Variants in EOGT observed in about 807,000 individuals in gnomAD.
EOGT encodes EGF domain specific O-linked N-acetylglucosamine transferase, also known as EGF domain-specific O-linked N-acetylglucosamine transferase.
A neutral mutation model predicts 70.5 loss-of-function variants in EOGT; 55 were observed. The ratio of observed to expected loss-of-function variants is 0.78; its 90% confidence interval spans 0.63 to 0.98. EOGT has a LOEUF of 0.98. Among genes scored for constraint, EOGT ranks in the 50% least tolerant of loss-of-function variants. The pLI is 0.00. For synonymous variants in EOGT, 246 were observed against 217.1 expected, an observed-to-expected ratio of 1.13 and a Z score of -1.17; for missense variants, 703 against 641.9, an observed-to-expected ratio of 1.10 and a Z score of -1.03.
At chr3:68,990,871 AT>A (rs1324962846) in intron 10 of EOGT, among the ~76,000 whole-genome samples, 3 of 147,812 alleles carry the variant, frequency 2.0e-5, no homozygotes, top group African/African-American at 7.6e-5. Flanking sequence ...TATTACAGTT[AT>A]TTCAAAGTTA....
At chr3:69,011,681 T>C (rs2091582770) in intron 3 of EOGT, among the ~76,000 whole-genome samples, 1 of 151,560 alleles carries the variant, frequency 6.6e-6, no homozygotes, top group African/African-American at 2.4e-5. Context: ...GGCCATGGAA[T>C]TCTAAGTGAA....
At position 68,978,398 on chromosome 3, in the gene EOGT, C is replaced by G. The variant is rs1013612581; in HGVS notation, c.1372G>C (p.Ala458Pro). ...ATGTAGTGAACGCCTCTCAGCCTGG[C>G]CAAGTCTAAGTAACAGCGTTCATCT... is the stretch of plus-strand genomic sequence containing the variant. ...CEDERCYLDLARLRGVHYITW... is the reference protein window; with the variant it reads ...CEDERCYLDLPRLRGVHYITW... Residue 458 changes from alanine to proline, a missense_variant, in exon 17 of 18, where the codon GCC (alanine) becomes CCC (proline). Physicochemically the swap from Ala to Pro is conservative, Grantham distance 27. Coordinates refer to ENST00000383701, the MANE Select transcript of EOGT (RefSeq NM_001278689.2). The G allele has an allele frequency of 1.2e-6, 2 of 1,612,198 alleles. No individual in the cohort carries two copies. Among genetic ancestry groups the G allele is most frequent in the Non-Finnish European group, 8.5e-7 (1 of 1,179,340 alleles).
intron 10 of EOGT, among the ~76,000 whole-genome samples, chr3:68,989,899 C>T (rs35315351): frequency 6.6e-6 from 1 of 151,632 alleles, no homozygotes; most frequent in East Asian, 1.9e-4. Context: ...TATGATCATG[C>T]CATATACTCC....
chr3:69,013,323 G>T (rs1406337130), intron 1 of EOGT, among the ~76,000 whole-genome samples: 2 of 151,752 alleles, frequency 1.3e-5, no homozygotes, highest in African/African-American at 4.8e-5. Flanking sequence ...GCTAGGGCCC[G>T]GGGCCCGCCT....
intron 10 of EOGT, among the ~76,000 whole-genome samples, chr3:68,990,538 G>A (rs936519631): frequency 6.6e-6 from 1 of 152,006 alleles, no homozygotes; most frequent in Non-Finnish European, 1.5e-5. Context: ...TCTTTTGATA[G>A]AGACAGGGTT....
At position 68,977,519 on chromosome 3, in the gene EOGT, T is replaced by A; in HGVS notation, c.*99A>T. The A allele has an allele frequency of 7.7e-7, 1 of 1,292,712 alleles. No individual in the cohort carries two copies. The highest frequency in any genetic ancestry group is 1.1e-6 in the Non-Finnish European group (1 of 911,742). The allele number at this position is 1,292,712 out of a possible 1,614,324, so 80.1% of individuals were successfully genotyped here. On this transcript the variant is annotated 3_prime_UTR_variant, in exon 18 of 18. Coordinates refer to ENST00000383701, the MANE Select transcript of EOGT (RefSeq NM_001278689.2). ...GTATGTTTTGGCATAGAAAAGGTAA[T>A]TCGGGGATAGGAAATAACAGATTGC...
At chr3:69,003,617 A>G (rs2091358495) in intron 8 of EOGT, among the ~76,000 whole-genome samples, 1 of 152,128 alleles carries the variant, frequency 6.6e-6, no homozygotes, top group South Asian at 2.1e-4. Flanking sequence ...GGTATAATAC[A>G]TACTATTTTT....
intron 9 of EOGT, among the ~76,000 whole-genome samples, chr3:69,001,133 T>G (rs1047458787): frequency 1.3e-5 from 2 of 151,950 alleles, no homozygotes; most frequent in Non-Finnish European, 2.9e-5. Context: ...ATTTTTTGTG[T>G]TTTTTTAGTA....
At position 68,982,887 on chromosome 3, in the gene EOGT, G is replaced by A. The variant is rs375923755; in HGVS notation, c.1153-15C>T. On this transcript the variant is annotated splice_polypyrimidine_tract_variant and intron_variant, in intron 14 of 17. Coordinates refer to ENST00000383701, the MANE Select transcript of EOGT (RefSeq NM_001278689.2). ...GCATTTACAAGCTGGGAAAAAAAGA[G>A]AAACATTTAGCATTTCTTTTCCTTC... 23 of 1,592,544 alleles carry A rather than the reference G, an allele frequency of 1.4e-5. No homozygotes were observed. Among genetic ancestry groups the A allele is most frequent in the African/African-American group, 6.7e-5 (5 of 74,228 alleles).
intron 10 of EOGT, 23 bp from the exon 11 acceptor site, chr3:68,989,040 GT>G: frequency 7.4e-7 from 1 of 1,343,490 alleles, no homozygotes; most frequent in Non-Finnish European, 1.0e-6. Context: ...ACAAAACAAG[GT>G]TTTAGGGCAA....
Position 68,977,671 on chromosome 3 carries a change from G to A in EOGT, c.1531C>T (p.His511Tyr), listed in dbSNP as rs2090509881. 3.7e-6 allele frequency: 6 copies of A among 1,613,682 alleles called. No homozygotes were observed. Among genetic ancestry groups the A allele is most frequent in the Non-Finnish European group, 5.1e-6 (6 of 1,179,906 alleles). ...GGCCACTTTGGGTGTTGCAATACGTGGTCTGCAGCCTGAAGGACAAGATAC... is the reference window on the plus strand; with the variant it reads ...GGCCACTTTGGGTGTTGCAATACGTAGTCTGCAGCCTGAAGGACAAGATAC... ...FMYLVLQAAD[H>Y]VLQHPKWPFK... The change falls in exon 18 of 18, where the codon CAC becomes TAC. Residue 511 changes from histidine (H) to tyrosine (Y), a missense_variant. Transcript: ENST00000383701.
chr3:69,001,564 T>A, intron 9 of EOGT, 44 bp downstream of exon 9: 1 of 1,265,708 alleles, frequency 7.9e-7, no homozygotes, highest in Non-Finnish European at 1.1e-6. Flanking sequence ...AGGAATAATA[T>A]CTCATTAACA....
chr3:69,007,792 A>AT lies in EOGT; in HGVS notation c.340dup (p.Ile114AsnfsTer7), dbSNP rs1454681918. ...TCCAAAGTCAGCTTGTTTCCAAAATATGTCCTCAGCTGACTCAAGAGTGTC... is the reference window on the plus strand; with the variant it reads ...TCCAAAGTCAGCTTGTTTCCAAAATATTGTCCTCAGCTGACTCAAGAGTGTC... On this transcript the variant is annotated frameshift_variant, in exon 6 of 18. Transcript: ENST00000383701. LOFTEE classifies it high-confidence loss of function. 7 of 1,612,662 alleles carry AT rather than the reference A, an allele frequency of 4.3e-6. No homozygotes were observed. The highest frequency in any genetic ancestry group is 5.9e-6 in the Non-Finnish European group (7 of 1,179,124).
intron 10 of EOGT, among the ~76,000 whole-genome samples, chr3:68,996,274 C>G (rs1226843495): frequency 6.6e-6 from 1 of 152,158 alleles, no homozygotes; most frequent in African/African-American, 2.4e-5. Context: ...AGCAGTGATC[C>G]TGAAAACCTT....
chr3:69,004,461 C>A lies in EOGT; in HGVS notation c.537G>T (p.Gln179His). 6.2e-7 allele frequency: 1 copy of A among 1,613,822 alleles called. No homozygotes were observed. Among genetic ancestry groups the A allele is most frequent in the Non-Finnish European group, 8.5e-7 (1 of 1,179,690 alleles). Residue 179 changes from glutamine (Q) to histidine (H), a missense_variant, in exon 8 of 18, where the codon CAG becomes CAT. Physicochemically the swap from Gln to His is conservative, Grantham distance 24 (BLOSUM62 0). Transcript: ENST00000383701. ...NHDRFKEDFF[Q>H]SGEIGGHCKL... ...TACAGTGCCCTCCAATTTCACCACT[C>A]TGGAAAAAGTCCTCCTTAAATCTGG...
intron 10 of EOGT, among the ~76,000 whole-genome samples, chr3:68,990,859 C>A (rs1479212644): frequency 3.4e-5 from 5 of 144,958 alleles, no homozygotes; most frequent in African/African-American, 1.3e-4. Context: ...TTATGTTGCA[C>A]ATATTACAGT....
rs189288468 is a variant in EOGT, at chr3:68,988,841, G to A, written c.924+84C>T. The A allele has an allele frequency of 5.8e-4, 415 of 720,172 alleles. 1 individual carries two copies. The highest frequency in any genetic ancestry group is 4.0e-3 in the African/African-American group (221 of 55,688). 44.6% of individuals were successfully genotyped at this position (720,172 alleles called of 1,614,324 possible). ...AGAAATCAGTGGTAATGGCTAATAG[G>A]AACTCATAATAAATGTTTATTTTAT... On this transcript the variant is annotated intron_variant, in intron 11 of 17. Transcript: ENST00000383701.
intron 3 of EOGT, among the ~76,000 whole-genome samples, chr3:69,011,098 A>C (rs1238796259): frequency 6.6e-6 from 1 of 151,158 alleles, no homozygotes; most frequent in African/African-American, 2.4e-5. Flanking sequence ...TTTCTAATTC[A>C]CCCAGTAAGT....
In EOGT at chr3:68,975,313, C is replaced by T. The variant is rs189183725; in HGVS notation, c.*2305G>A. The T allele has an allele frequency of 2.0e-5, 3 of 152,540 alleles. No homozygotes were observed. The highest frequency in any genetic ancestry group is 7.2e-5 in the African/African-American group (3 of 41,426). The allele number at this position is 152,540 out of a possible 1,614,324, so 9.4% of individuals were successfully genotyped here. A position where few individuals can be genotyped will look rare whatever the true frequency, so the allele number is the denominator to read the frequency against. On this transcript the variant is annotated 3_prime_UTR_variant, in exon 18 of 18. Coordinates refer to ENST00000383701, the MANE Select transcript of EOGT (RefSeq NM_001278689.2). The stretch of plus-strand genomic sequence containing the variant: ...CCTGTTAAAGACTTAATAAAAAGAG[C>T]AATCTTTACATTTTACAATTTGAAG...
Sources: gnomAD v4.1 joint callset for allele counts (sites outside exome capture counted in the v4.1 genomes callset) on GRCh38, gnomAD v4.1.1 for gene constraint, MANE v1.5 for transcripts, NCBI Gene and HGNC (gene_info 2026-07-23, HGNC 2026-07-21) for gene names.